Variants in CWC27 observed in about 807,000 individuals in gnomAD.
The protein encoded by CWC27 is spliceosome-associated protein CWC27 homolog.
Under a neutral mutation model 63.6 loss-of-function variants are expected in CWC27, and 47 were observed. The observed-to-expected ratio is 0.74, with a 90% confidence interval of 0.58 to 0.94. The LOEUF (loss-of-function observed/expected upper bound fraction) is 0.94. Among genes scored for constraint, CWC27 ranks in the 40% least tolerant of loss-of-function variants. The probability of loss-of-function intolerance (pLI) is 0.00; values close to 1 mark genes in which losing one functional copy is unlikely to be tolerated. For missense variants in CWC27, 495 were observed against 554.3 expected (o/e 0.89, Z 1.07); for synonymous variants, 175 against 179.8 (o/e 0.97, Z 0.22).
chr5:64,977,484 T>C (rs1002877578), intron 13 of CWC27, among the ~76,000 whole-genome samples: 5 of 152,182 alleles, frequency 3.3e-5, no homozygotes, highest in Non-Finnish European at 1.5e-5. Flanking sequence ...CAGTAAAAAA[T>C]GCACAAGAAA....
rs376932476 is a variant in CWC27, at chr5:64,780,807, A to G, written c.140-1114A>G. 1.1e-4 allele frequency among the ~76,000 whole-genome samples: 16 copies of G among 152,098 alleles called. No individual in the cohort carries two copies. The East Asian group carries it at 2.3e-3, about 22-fold the overall frequency. ...CCCACCAGCAATGTAAAAGGGTTCC[A>G]GTTTCATCACATCCTTACCAACACT... On this transcript the variant is annotated intron_variant, in intron 2 of 13. Transcript: ENST00000381070.
chr5:64,900,259 T>G (rs1034953980), intron 11 of CWC27, among the ~76,000 whole-genome samples: 2 of 152,190 alleles, frequency 1.3e-5, no homozygotes, highest in Non-Finnish European at 2.9e-5. Flanking sequence ...TTTTAGCCAT[T>G]CTAATAGTTT....
chr5:64,970,355 G>C (rs1405491503), intron 11 of CWC27, among the ~76,000 whole-genome samples: 1 of 151,982 alleles, frequency 6.6e-6, no homozygotes, highest in East Asian at 1.9e-4. Flanking sequence ...TGGGACTACA[G>C]GCGCCCGCCA....
intron 11 of CWC27, among the ~76,000 whole-genome samples, chr5:64,915,014 T>C (rs778535950): frequency 6.6e-6 from 1 of 152,178 alleles, no homozygotes; most frequent in Non-Finnish European, 1.5e-5. Flanking sequence ...AATGATGTGA[T>C]TTCATTTTAT....
intron 7 of CWC27, among the ~76,000 whole-genome samples, chr5:64,796,352 T>A (rs937575725): frequency 2.6e-5 from 4 of 152,094 alleles, no homozygotes; most frequent in African/African-American, 9.7e-5. Flanking sequence ...TTCCAAAATA[T>A]GTAGAGTAGG....
chr5:64,878,670 G>A (rs1271014391), intron 10 of CWC27, among the ~76,000 whole-genome samples: 1 of 151,624 alleles, frequency 6.6e-6, no homozygotes, highest in East Asian at 1.9e-4. Context: ...AGGCTTAAAA[G>A]ATGTGGAAGA....
At chr5:64,796,677 A>C (rs1280890851) in intron 7 of CWC27, among the ~76,000 whole-genome samples, 1 of 152,026 alleles carries the variant, frequency 6.6e-6, no homozygotes, top group Non-Finnish European at 1.5e-5. Flanking sequence ...AATTATCCAC[A>C]CAGAGTTAGA....
chr5:64,797,145 A>G (rs1470856461), intron 7 of CWC27, among the ~76,000 whole-genome samples: 1 of 152,004 alleles, frequency 6.6e-6, no homozygotes. Context: ...TGAATTCACT[A>G]AATATATTTA....
At chr5:64,849,503 A>G (rs1746078605) in intron 10 of CWC27, among the ~76,000 whole-genome samples, 3 of 151,886 alleles carry the variant, frequency 2.0e-5, no homozygotes, top group South Asian at 2.1e-4. Context: ...GTGGTTTCTC[A>G]TGAATGGGTT....
rs542388165 is a variant in CWC27 at position 64,816,660 on chromosome 5, T to G, written c.938+12274T>G. On this transcript the variant is annotated intron_variant, in intron 10 of 13. Transcript: ENST00000381070. ...TGCCTACCTCTGGACATTTCCTATA[T>G]GAGATAAACTACCTTTCAGGTTGAT... 1.9e-4 allele frequency among the ~76,000 whole-genome samples: 29 copies of G among 152,224 alleles called. No homozygotes were observed. The East Asian group carries it at 5.2e-3, about 27-fold the overall frequency.
intron 11 of CWC27, among the ~76,000 whole-genome samples, chr5:64,893,262 G>A (rs1482216717): frequency 1.3e-5 from 2 of 152,164 alleles, no homozygotes; most frequent in African/African-American, 4.8e-5. Context: ...TTCCTTTTAT[G>A]TGACATTTTC....
intron 7 of CWC27, among the ~76,000 whole-genome samples, chr5:64,797,167 A>G (rs1027815156): frequency 2.0e-5 from 3 of 152,074 alleles, no homozygotes; most frequent in African/African-American, 4.8e-5. Flanking sequence ...TATTTCATTC[A>G]TCAGCTAAAC....
intron 13 of CWC27, among the ~76,000 whole-genome samples, chr5:65,011,565 G>GT (rs1474363775): frequency 6.6e-6 from 1 of 152,228 alleles, no homozygotes; most frequent in Non-Finnish European, 1.5e-5. Flanking sequence ...AGAAGGAGAT[G>GT]TAACAGGCTG....
At chr5:64,779,943 A>G (rs1003255302) in intron 2 of CWC27, among the ~76,000 whole-genome samples, 4 of 152,186 alleles carry the variant, frequency 2.6e-5, no homozygotes, top group Non-Finnish European at 5.9e-5. Context: ...GCCATCCGCC[A>G]TGATTGTAAG....
intron 11 of CWC27, among the ~76,000 whole-genome samples, chr5:64,889,706 G>A (rs1747177558): frequency 6.6e-6 from 1 of 152,144 alleles, no homozygotes; most frequent in Non-Finnish European, 1.5e-5. Flanking sequence ...AGAATTTGCA[G>A]TAGGCTCTAA....
At chr5:64,817,905 A>G (rs894052506) in intron 10 of CWC27, among the ~76,000 whole-genome samples, 57 of 152,118 alleles carry the variant, frequency 3.7e-4, no homozygotes, top group African/African-American at 1.3e-3. Context: ...GTGCCTTGTT[A>G]TATCTTTAAA....
chr5:64,980,385 T>G (rs77103496), intron 13 of CWC27, among the ~76,000 whole-genome samples: 353 of 152,236 alleles, frequency 2.3e-3, no homozygotes, highest in Non-Finnish European at 3.9e-3. Context: ...TATGCCAAAT[T>G]GGGTTTGGTT....
chr5:64,937,306 T>C (rs549280302), intron 11 of CWC27, among the ~76,000 whole-genome samples: 1 of 152,330 alleles, frequency 6.6e-6, no homozygotes, highest in African/African-American at 2.4e-5. Flanking sequence ...GTCTTTGTTT[T>C]CATTGGTTTC....
intron 11 of CWC27, among the ~76,000 whole-genome samples, chr5:64,933,868 A>G (rs1748290765): frequency 6.6e-6 from 1 of 152,196 alleles, no homozygotes; most frequent in African/African-American, 2.4e-5. Flanking sequence ...ACCTATGTGT[A>G]TATTTCCTAA....
Sources: gnomAD v4.1 joint callset for allele counts (sites outside exome capture counted in the v4.1 genomes callset) on GRCh38, gnomAD v4.1.1 for gene constraint, MANE v1.5 for transcripts, NCBI Gene and HGNC (gene_info 2026-07-23, HGNC 2026-07-21) for gene names.